The following VRK2 variants were observed in gnomAD, a reference collection of about 807,000 sequenced individuals.
VRK2 encodes the protein serine/threonine-protein kinase VRK2.
Under a neutral mutation model 57.6 loss-of-function variants are expected in VRK2, and 60 were observed. The ratio of observed to expected loss-of-function variants is 1.04; its 90% CI spans 0.85 to 1.29. The LOEUF (loss-of-function observed/expected upper bound fraction) is 1.29, where lower values mean the gene tolerates loss of function less well. VRK2 is among the 50% of genes most tolerant of loss of function. VRK2 has a pLI of 0.00. For missense variants in VRK2, 705 were observed against 588.1 expected, an observed-to-expected ratio of 1.20 and a Z score of -2.06; for synonymous variants, 231 against 199.2, an observed-to-expected ratio of 1.16 and a Z score of -1.35.
chr2:58,152,174 ATACT>A (rs2104693386), intron 12 of VRK2, among the ~76,000 whole-genome samples: 1 of 152,052 alleles, frequency 6.6e-6, no homozygotes, highest in South Asian at 2.1e-4. Context: ...TATTACTGAG[ATACT>A]TACATCTTTT....
At chr2:57,991,635 C>A (rs1421412823) in intron 1 of VRK2, among the ~76,000 whole-genome samples, 1 of 152,000 alleles carries the variant, frequency 6.6e-6, no homozygotes, top group African/African-American at 2.4e-5. Flanking sequence ...GTCTCCTAGT[C>A]TAGGTTAGAC....
At chr2:58,155,045 T>A (rs1193314167) in intron 12 of VRK2, among the ~76,000 whole-genome samples, 1 of 152,200 alleles carries the variant, frequency 6.6e-6, no homozygotes, top group East Asian at 1.9e-4. Context: ...GGATAGGATA[T>A]GACGGTCTGC....
chr2:57,918,413 C>G (rs1464308547), intron 1 of VRK2, among the ~76,000 whole-genome samples: 2 of 151,914 alleles, frequency 1.3e-5, no homozygotes, highest in Admixed American at 1.3e-4. Context: ...TGAGAGTTAC[C>G]CTGGCATATG....
At chr2:57,974,370 T>C (rs1672183728) in intron 1 of VRK2, among the ~76,000 whole-genome samples, 1 of 151,858 alleles carries the variant, frequency 6.6e-6, no homozygotes, top group South Asian at 2.1e-4. Flanking sequence ...TAAAACAAAC[T>C]AACATAAAAT....
chr2:58,035,361 A>T (rs1388355269), intron 3 of VRK2, among the ~76,000 whole-genome samples: 1 of 151,544 alleles, frequency 6.6e-6, no homozygotes, highest in African/African-American at 2.4e-5. Flanking sequence ...TGGTCTCCTT[A>T]CTCTCTGTTT....
chr2:57,918,431 T>C (rs540387227), intron 1 of VRK2, among the ~76,000 whole-genome samples: 1 of 152,254 alleles, frequency 6.6e-6, no homozygotes, highest in South Asian at 2.1e-4. Flanking sequence ...ATGGCTCAAT[T>C]GGAAACATCA....
intron 1 of VRK2, among the ~76,000 whole-genome samples, chr2:57,963,017 G>C (rs1009656706): frequency 2.6e-5 from 4 of 152,124 alleles, no homozygotes; most frequent in African/African-American, 9.7e-5. Context: ...ATTTGAACAA[G>C]TCACTTACCC....
At chr2:58,118,247 G>T (rs1192226920) in intron 7 of VRK2, among the ~76,000 whole-genome samples, 1 of 152,286 alleles carries the variant, frequency 6.6e-6, no homozygotes, top group Non-Finnish European at 1.5e-5. Flanking sequence ...GGGACTTGCC[G>T]CTAAGGGTGA....
chr2:58,138,047 T>C (rs1173981350), intron 10 of VRK2, among the ~76,000 whole-genome samples: 1 of 152,174 alleles, frequency 6.6e-6, no homozygotes, highest in Non-Finnish European at 1.5e-5. Context: ...CTGCTATCAG[T>C]TGGTGGAGTG....
At chr2:57,988,624 C>A (rs180854141) in intron 1 of VRK2, among the ~76,000 whole-genome samples, 67 of 152,228 alleles carry the variant, frequency 4.4e-4, no homozygotes, top group African/African-American at 1.3e-3. Context: ...CTGGAATATC[C>A]ATCTTATTCT....
chr2:58,070,032 A>C (rs1051203614), intron 2 of VRK2, among the ~76,000 whole-genome samples: 1 of 152,180 alleles, frequency 6.6e-6, no homozygotes, highest in Non-Finnish European at 1.5e-5. Context: ...AACTGAGCAG[A>C]TAGTACAGAA....
chr2:58,137,216 A>ATG (rs1491076577), intron 10 of VRK2, among the ~76,000 whole-genome samples: 2,393 of 61,370 alleles, frequency 0.039, 481 homozygotes, highest in African/African-American at 0.22. Context: ...TATATGATAC[A>ATG]TATATATCAT....
At chr2:58,150,711 G>A (rs1205841872) in intron 12 of VRK2, among the ~76,000 whole-genome samples, 3 of 150,620 alleles carry the variant, frequency 2.0e-5, no homozygotes, top group Non-Finnish European at 4.5e-5. Flanking sequence ...GCTTCATAAG[G>A]TGAAAGTTTA....
intron 1 of VRK2, among the ~76,000 whole-genome samples, chr2:58,021,410 G>A (rs1447788079): frequency 6.6e-6 from 1 of 152,024 alleles, no homozygotes; most frequent in Non-Finnish European, 1.5e-5. Context: ...CTTTATCATA[G>A]AGGTTTCAAA....
At chr2:57,996,262 T>C (rs1048855353) in intron 1 of VRK2, among the ~76,000 whole-genome samples, 2 of 152,192 alleles carry the variant, frequency 1.3e-5, no homozygotes, top group African/African-American at 4.8e-5. Context: ...GCCTTAGTGT[T>C]ATTATAAAAA....
chr2:57,959,486 A>G (rs1046455305), intron 1 of VRK2, among the ~76,000 whole-genome samples: 3 of 152,072 alleles, frequency 2.0e-5, no homozygotes, highest in African/African-American at 2.4e-5. Flanking sequence ...GGGATAGGTA[A>G]TTGTACCTGA....
intron 2 of VRK2, among the ~76,000 whole-genome samples, chr2:58,072,410 G>A (rs1019113950): frequency 3.3e-5 from 5 of 151,830 alleles, no homozygotes; most frequent in Admixed American, 3.3e-4. Context: ...GGTTTTATTT[G>A]TAGATTTTTT....
intron 1 of VRK2, among the ~76,000 whole-genome samples, chr2:58,024,942 G>A (rs1283994213): frequency 2.6e-5 from 4 of 152,174 alleles, no homozygotes; most frequent in East Asian, 1.9e-4. Flanking sequence ...AAATATGGAT[G>A]ACAGATATTG....
At chr2:58,030,213 T>A (rs1005343064) in intron 2 of VRK2, among the ~76,000 whole-genome samples, 1 of 152,124 alleles carries the variant, frequency 6.6e-6, no homozygotes, top group Non-Finnish European at 1.5e-5. Flanking sequence ...TGCTTTTTCC[T>A]CAGATCTAAT....
Sources: allele counts gnomAD v4.1 joint callset (sites outside exome capture counted in the v4.1 genomes callset), GRCh38; gene constraint gnomAD v4.1.1; transcripts MANE v1.5; gene names NCBI Gene and HGNC (gene_info 2026-07-23, HGNC 2026-07-21).